The following FOXP2 variants were observed in gnomAD, a reference collection of about 807,000 sequenced individuals.
FOXP2 encodes forkhead box protein P2.
Under a neutral mutation model 115.8 loss-of-function variants are expected in FOXP2, and 12 were observed. That is an observed-to-expected ratio of 0.10 (90% CI 0.07 to 0.17). FOXP2 has a LOEUF of 0.17. Ranked by LOEUF, FOXP2 falls within the 10% of genes least tolerant of loss-of-function variation. FOXP2 has a pLI of 1.00. For synonymous variants in FOXP2, 328 were observed against 297.7 expected, an observed-to-expected ratio of 1.10 and a Z score of -1.05; for missense variants, 629 against 843.5, an observed-to-expected ratio of 0.75 and a Z score of 3.15.
chr7:114,380,735 A>G (rs1792268643), intron 2 of FOXP2, among the ~76,000 whole-genome samples: 1 of 152,222 alleles, frequency 6.6e-6, no homozygotes, highest in African/African-American at 2.4e-5. Flanking sequence ...CATTCACATC[A>G]TGAGATGTCC....
intron 1 of FOXP2, among the ~76,000 whole-genome samples, chr7:114,128,911 A>G (rs1310250441): frequency 6.6e-6 from 1 of 152,158 alleles, no homozygotes; most frequent in Non-Finnish European, 1.5e-5. Flanking sequence ...TCTTCTTCAT[A>G]GCAACTTTAG....
intron 2 of FOXP2, among the ~76,000 whole-genome samples, chr7:114,440,143 A>G (rs1294617024): frequency 6.6e-6 from 1 of 152,186 alleles, no homozygotes; most frequent in East Asian, 1.9e-4. Flanking sequence ...TTTATAGATT[A>G]TAGTATTGAG....
chr7:114,512,149 C>A (rs1798109236), intron 2 of FOXP2, among the ~76,000 whole-genome samples: 1 of 152,096 alleles, frequency 6.6e-6, no homozygotes, highest in Admixed American at 6.6e-5. Flanking sequence ...TGTTCTAGCG[C>A]CTTGCAACAG....
intron 1 of FOXP2, among the ~76,000 whole-genome samples, chr7:114,284,847 A>T (rs555321953): frequency 5.4e-4 from 82 of 152,214 alleles, no homozygotes; most frequent in Non-Finnish European, 1.1e-3. Context: ...CTATGCAGTC[A>T]TAAAAAGAAA....
intron 2 of FOXP2, among the ~76,000 whole-genome samples, chr7:114,296,168 A>G (rs900322128): frequency 9.9e-5 from 15 of 152,216 alleles, no homozygotes; most frequent in African/African-American, 3.6e-4. Context: ...TATAATTCTC[A>G]ACTGCCATGT....
intron 1 of FOXP2, among the ~76,000 whole-genome samples, chr7:114,223,833 T>C (rs1316663600): frequency 6.6e-6 from 1 of 151,780 alleles, no homozygotes; most frequent in Non-Finnish European, 1.5e-5. Context: ...TTAATTTAGT[T>C]TATCAATTTT....
intron 2 of FOXP2, among the ~76,000 whole-genome samples, chr7:114,408,783 A>T (rs1384932079): frequency 6.6e-6 from 1 of 152,088 alleles, no homozygotes; most frequent in East Asian, 1.9e-4. Flanking sequence ...TGTGTGCCTT[A>T]TCTTTTCATA....
intron 1 of FOXP2, among the ~76,000 whole-genome samples, chr7:114,100,544 A>G (rs1799755331): frequency 6.6e-6 from 1 of 152,124 alleles, no homozygotes; most frequent in Non-Finnish European, 1.5e-5. Flanking sequence ...TTTGTTTTTT[A>G]AGTTCAGTTA....
intron 2 of FOXP2, among the ~76,000 whole-genome samples, chr7:114,493,653 C>G (rs1279496755): frequency 6.6e-6 from 1 of 152,014 alleles, no homozygotes; most frequent in Non-Finnish European, 1.5e-5. Flanking sequence ...CACCCACACA[C>G]ACATACTCTC....
intron 1 of FOXP2, among the ~76,000 whole-genome samples, chr7:114,154,945 TTC>T (rs1371036823): frequency 1.3e-5 from 2 of 152,216 alleles, no homozygotes; most frequent in African/African-American, 4.8e-5. Context: ...ATCCTTATCA[TTC>T]ACTGACAATC....
intron 1 of FOXP2, among the ~76,000 whole-genome samples, chr7:114,127,565 C>A (rs1411502757): frequency 1.3e-5 from 2 of 152,014 alleles, no homozygotes; most frequent in East Asian, 3.9e-4. Flanking sequence ...ACATCTTTTT[C>A]TTTTATAATC....
At chr7:114,164,142 G>GT (rs1397248017) in intron 1 of FOXP2, among the ~76,000 whole-genome samples, 1 of 152,052 alleles carries the variant, frequency 6.6e-6, no homozygotes, top group Non-Finnish European at 1.5e-5. Flanking sequence ...GTTTAATCTT[G>GT]TTACGTGGTG....
intron 2 of FOXP2, among the ~76,000 whole-genome samples, chr7:114,306,413 C>T (rs929749136): frequency 1.3e-5 from 2 of 152,118 alleles, no homozygotes; most frequent in Non-Finnish European, 2.9e-5. Context: ...TTATAGAAAA[C>T]AATAAGCAAG....
intron 2 of FOXP2, among the ~76,000 whole-genome samples, chr7:114,436,198 T>C (rs570351864): frequency 6.1e-4 from 93 of 152,072 alleles, no homozygotes; most frequent in Middle Eastern, 3.4e-3. Flanking sequence ...ATAATTAATA[T>C]AATTATTAAT....
At chr7:114,649,139 A>T (rs555785593) in intron 8 of FOXP2, among the ~76,000 whole-genome samples, 4 of 152,226 alleles carry the variant, frequency 2.6e-5, no homozygotes, top group Middle Eastern at 3.4e-3. Context: ...GCCATCAGAA[A>T]AAGTATTATT....
At chr7:114,160,638 T>C (rs1286471737), upstream of FOXP2, among the ~76,000 whole-genome samples, 1 of 152,144 alleles carries the variant, frequency 6.6e-6, no homozygotes, top group African/African-American at 2.4e-5. Context: ...TATAGTAAAG[T>C]GTCATGTTGA....
At chr7:114,308,009 T>A (rs1409431547) in intron 2 of FOXP2, among the ~76,000 whole-genome samples, 1 of 152,102 alleles carries the variant, frequency 6.6e-6, no homozygotes, top group Non-Finnish European at 1.5e-5. Context: ...CGTTAATTAA[T>A]TGTTCCTCAC....
At chr7:114,127,640 G>A (rs1393889631) in intron 1 of FOXP2, among the ~76,000 whole-genome samples, 1 of 152,104 alleles carries the variant, frequency 6.6e-6, no homozygotes, top group Non-Finnish European at 1.5e-5. Flanking sequence ...TGCCAACAAG[G>A]TAGAAACATG....
intron 2 of FOXP2, among the ~76,000 whole-genome samples, chr7:114,519,510 T>C (rs1798507931): frequency 6.6e-6 from 1 of 152,162 alleles, no homozygotes. Context: ...CACAATAGCA[T>C]GTCTTAGGAT....
Sources: gnomAD v4.1 joint callset for allele counts (sites outside exome capture counted in the v4.1 genomes callset) on GRCh38, gnomAD v4.1.1 for gene constraint, MANE v1.5 for transcripts, NCBI Gene and HGNC (gene_info 2026-07-23, HGNC 2026-07-21) for gene names.